Variants in NRXN2 observed in about 807,000 individuals in gnomAD.
NRXN2 encodes the protein neurexin 2, also known as neurexin-2-beta.
NRXN2 carries 29 observed loss-of-function variants against 128.8 expected under a neutral mutation model. The ratio of observed to expected loss-of-function variants is 0.23; its 90% CI spans 0.17 to 0.31. NRXN2 has a LOEUF of 0.31. NRXN2 is among the 10% of genes least tolerant of loss of function. NRXN2 has a pLI of 1.00. For synonymous variants in NRXN2, 1,098 were observed against 1,075.2 expected, an observed-to-expected ratio of 1.02 and a Z score of -0.41; for missense variants, 1,881 against 2,452.6, an observed-to-expected ratio of 0.77 and a Z score of 4.92.
At chr11:64,700,387 A>G (rs2055166971) in intron 2 of NRXN2, among the ~76,000 whole-genome samples, 1 of 152,194 alleles carries the variant, frequency 6.6e-6, no homozygotes, top group Admixed American at 6.5e-5. Flanking sequence ...CCTGCTTTCA[A>G]CCAGTGCTGC....
intron 1 of NRXN2, among the ~76,000 whole-genome samples, chr11:64,717,520 G>A (rs1414233642): frequency 1.3e-5 from 2 of 152,196 alleles, no homozygotes; most frequent in African/African-American, 2.4e-5. Flanking sequence ...TGGCTAGGCT[G>A]CCCTCAGGAC....
intron 22 of NRXN2, among the ~76,000 whole-genome samples, chr11:64,611,664 C>T (rs1272064709): frequency 6.6e-6 from 1 of 152,216 alleles, no homozygotes; most frequent in Admixed American, 6.5e-5. Context: ...TAGCTAAGCC[C>T]TTGGGACACA....
At chr11:64,710,709 C>A (rs1440155127) in intron 2 of NRXN2, among the ~76,000 whole-genome samples, 1 of 152,176 alleles carries the variant, frequency 6.6e-6, no homozygotes, top group Non-Finnish European at 1.5e-5. Context: ...AGTCCTCATG[C>A]AATCCGGCTG....
chr11:64,721,728 C>T (rs1213134555), intron 1 of NRXN2, among the ~76,000 whole-genome samples: 1 of 152,036 alleles, frequency 6.6e-6, no homozygotes, highest in African/African-American at 2.4e-5. Flanking sequence ...AACACCCAGA[C>T]ACTGGGAAGG....
Position 64,623,170 on chromosome 11 carries a change from A to G in NRXN2, c.3848-92T>C, listed in dbSNP as rs546494875. On this transcript the variant is annotated intron_variant, in intron 20 of 22. Transcript: ENST00000265459. This position sits in a 1 kb window ranked among gnomAD's most constrained non-coding sequence, Gnocchi z 4.9. ...AGAAAAGAAGGAAGCCAAGGAGAGGAAAGAGGAATGGAGGAGAAAGCCAGT... is the reference window on the plus strand; with the variant it reads ...AGAAAAGAAGGAAGCCAAGGAGAGGGAAGAGGAATGGAGGAGAAAGCCAGT... The G allele has an allele frequency of 1.1e-5, 17 of 1,491,362 alleles. No homozygotes were observed. Among genetic ancestry groups the G allele is most frequent in the East Asian group, 2.4e-5 (1 of 41,216 alleles). 92.4% of individuals were successfully genotyped at this position (1,491,362 alleles called of 1,614,324 possible).
chr11:64,670,798 G>A (rs1173016984), intron 7 of NRXN2, among the ~76,000 whole-genome samples: 1 of 152,204 alleles, frequency 6.6e-6, no homozygotes, highest in Non-Finnish European at 1.5e-5. Flanking sequence ...AGAAACTCAA[G>A]TGCACTCCTG....
At chr11:64,669,094 C>T (rs1282489668) in intron 7 of NRXN2, among the ~76,000 whole-genome samples, 1 of 152,192 alleles carries the variant, frequency 6.6e-6, no homozygotes, top group African/African-American at 2.4e-5. Flanking sequence ...CTTAGACTCA[C>T]CTGCAGCCCT....
Position 64,713,548 on chromosome 11 carries a change from C to T in NRXN2, c.152G>A (p.Gly51Asp), listed in dbSNP as rs745555224. ...YARWAGAASSGELSFSLRTNA... is the reference protein window; with the variant it reads ...YARWAGAASSDELSFSLRTNA... The stretch of plus-strand genomic sequence containing the variant: ...GGTGCGCAGGCTGAAGCTGAGCTCG[C>T]CGCTGCTCGCCGCGCCCGCCCAGCG... The change falls in exon 2 of 23, where the codon GGC becomes GAC. Residue 51 changes from glycine to aspartate, a missense_variant. Physicochemically the swap from Gly to Asp is moderately conservative, Grantham distance 94. Transcript: ENST00000265459. The T allele has an allele frequency of 2.1e-5, 30 of 1,441,082 alleles. No homozygotes were observed. The highest frequency in any genetic ancestry group is 7.4e-5 in the Admixed American group (3 of 40,458). The allele number at this position is 1,441,082 out of a possible 1,614,324, so 89.3% of individuals were successfully genotyped here.
rs2039700395 is a variant in NRXN2 at position 64,606,756 on chromosome 11, G to A, written c.*440C>T. 1 of 168,876 alleles carries A rather than the reference G, an allele frequency of 5.9e-6. No individual in the cohort carries two copies. Among genetic ancestry groups the A allele is most frequent in the Admixed American group, 5.6e-5 (1 of 17,828 alleles). 10.5% of individuals were successfully genotyped at this position (168,876 alleles called of 1,614,324 possible). ...GGACAGTGAGACACAGCAAGCCTGG[G>A]ATGGGGATTGGAGGGCTTGGGAAGA... On this transcript the variant is annotated 3_prime_UTR_variant, in exon 23 of 23. Transcript: ENST00000265459.
In NRXN2 at chr11:64,713,107, C is replaced by T. The variant is rs1228292767; in HGVS notation, c.593G>A (p.Arg198His). 1 of 1,363,340 alleles carries T rather than the reference C, an allele frequency of 7.3e-7. No individual in the cohort carries two copies. The highest frequency in any genetic ancestry group is 9.4e-7 in the Non-Finnish European group (1 of 1,061,824). The allele number at this position is 1,363,340 out of a possible 1,614,324, so 84.5% of individuals were successfully genotyped here. The change falls in exon 2 of 23, where the codon CGC (arginine) becomes CAC (histidine). Residue 198 changes from arginine to histidine, a missense_variant. Arg to His is a conservative substitution (Grantham distance 29). Coordinates refer to ENST00000265459, the MANE Select transcript of NRXN2 (RefSeq NM_015080.4). The stretch of plus-strand genomic sequence containing the variant: ...GCACAGCGGGTCGGCGGTGGCGCCG[C>T]GCAGGCCCTGGCTGCCCAGCAGCGC... ...PPALLGSQGL[R>H]GATADPLCAP...
In NRXN2 at chr11:64,650,587, C is replaced by T. The variant is rs1194127880; in HGVS notation, c.2970G>A (p.Gly990=). 1 of 1,614,170 alleles carries T rather than the reference C, an allele frequency of 6.2e-7. No individual in the cohort carries two copies. The highest frequency in any genetic ancestry group is 2.2e-5 in the East Asian group (1 of 44,872). The part of the protein sequence containing the change: ...DLGNGPSLMK[G]NSDKPVNDNQ... The stretch of plus-strand genomic sequence containing the variant: ...TGTCATTGACTGGTTTGTCTGAGTT[C>T]CCCTTCATCAAGGACGGGCCATTCC... The change falls in exon 15 of 23, where the codon GGG becomes GGA. Residue 990 remains glycine, a synonymous_variant. Coordinates refer to ENST00000265459, the MANE Select transcript of NRXN2 (RefSeq NM_015080.4).
Position 64,627,357 on chromosome 11 carries a change from CT to C in NRXN2, c.3758-806del, listed in dbSNP as rs140200611. Among the ~76,000 whole-genome samples, 2,889 of 151,960 alleles carry C rather than the reference CT, an allele frequency of 0.019. 243 individuals are homozygous for C. The East Asian group carries it at 0.27, about 14-fold the overall frequency. On this transcript the variant is annotated intron_variant, in intron 19 of 22. Transcript: ENST00000265459. ...GCAGCCCCCTTCCCCTTCTCACCTC[CT>C]CTTCGGCCCCTTTCTCCTCCCCTGC...
At position 64,663,110 on chromosome 11, in the gene NRXN2, G is replaced by A. The variant is rs533406487; in HGVS notation, c.1799-1971C>T. On this transcript the variant is annotated intron_variant, in intron 9 of 22. Coordinates refer to ENST00000265459, the MANE Select transcript of NRXN2 (RefSeq NM_015080.4). ...TGAGGCCGGGCGCAATGGCTCACAC[G>A]TGTAATCCCAGCACTTTGGGAGGCT... Among the ~76,000 whole-genome samples the A allele has an allele frequency of 4.5e-4, 68 of 151,866 alleles. 1 individual carries two copies. Among genetic ancestry groups the A allele is most frequent in the Admixed American group, 4.1e-3 (62 of 15,270 alleles).
intron 22 of NRXN2, among the ~76,000 whole-genome samples, chr11:64,617,078 C>T (rs1335892830): frequency 2.6e-5 from 4 of 152,112 alleles, no homozygotes; most frequent in African/African-American, 4.8e-5. Context: ...GGGGTATAAG[C>T]ACACACATGT....
chr11:64,698,465 T>C (rs1343607341), intron 2 of NRXN2, among the ~76,000 whole-genome samples: 1 of 152,242 alleles, frequency 6.6e-6, no homozygotes. Context: ...TTAACCTCTC[T>C]GAGTCCCTAC....
intron 2 of NRXN2, among the ~76,000 whole-genome samples, chr11:64,702,323 G>C (rs2055588327): frequency 6.6e-6 from 1 of 152,174 alleles, no homozygotes; most frequent in Non-Finnish European, 1.5e-5. Flanking sequence ...ATTGAGAACG[G>C]GCCATGATGA....
intron 2 of NRXN2, among the ~76,000 whole-genome samples, chr11:64,704,915 C>G (rs2056067080): frequency 6.6e-6 from 1 of 152,192 alleles, no homozygotes; most frequent in Admixed American, 6.5e-5. Context: ...AGGTGTGTAA[C>G]ACATTGTGAA....
At position 64,630,736 on chromosome 11, in the gene NRXN2, C is replaced by T. The variant is rs2043788084; in HGVS notation, c.3586-163G>A. Among the ~76,000 whole-genome samples the T allele has an allele frequency of 6.6e-6, 1 of 152,224 alleles. No individual in the cohort carries two copies. The highest frequency in any genetic ancestry group is 2.1e-4 in the South Asian group (1 of 4,824). ...TGGGCAGGCTCGCTCCCCTTCCCCA[C>T]ATGCAAGGGAGTAACTTGAGGCCGG... On this transcript the variant is annotated intron_variant, in intron 18 of 22. Coordinates refer to ENST00000265459, the MANE Select transcript of NRXN2 (RefSeq NM_015080.4). This position sits in a 1 kb window ranked among gnomAD's most constrained non-coding sequence, Gnocchi z 4.6.
Position 64,622,962 on chromosome 11 carries a change from C to G in NRXN2, c.3964G>C (p.Ala1322Pro). ...GLYYNGLKVLALAAESDPNVR... is the reference protein window; with the variant it reads ...GLYYNGLKVLPLAAESDPNVR... The stretch of plus-strand genomic sequence containing the variant: ...TTGGGGTCGCTCTCGGCGGCCAGCG[C>G]CAGCACCTTGAGCCCATTGTAGTAG... The change falls in exon 21 of 23, where the codon GCG becomes CCG. Residue 1322 changes from alanine (A) to proline (P), a missense_variant. Coordinates refer to ENST00000265459, the MANE Select transcript of NRXN2 (RefSeq NM_015080.4). The surrounding 1 kb of genome is among the most constrained non-coding windows in gnomAD (Gnocchi z 4.3). 6.2e-7 allele frequency: 1 copy of G among 1,613,462 alleles called. No individual in the cohort carries two copies. Among genetic ancestry groups the G allele is most frequent in the Non-Finnish European group, 8.5e-7 (1 of 1,179,854 alleles).
Sources: gnomAD v4.1 joint callset for allele counts (sites outside exome capture counted in the v4.1 genomes callset) on GRCh38, gnomAD v4.1.1 for gene constraint, Gnocchi (gnomAD v3.1) non-coding constraint, MANE v1.5 for transcripts, NCBI Gene and HGNC (gene_info 2026-07-23, HGNC 2026-07-21) for gene names.